SPAG17: variants seen among roughly 807,000 people sequenced by gnomAD.
The protein encoded by SPAG17 is sperm associated antigen 17.
Under a neutral mutation model 273.6 loss-of-function variants are expected in SPAG17, and 169 were observed. That is an observed-to-expected ratio of 0.62 (90% confidence interval 0.55 to 0.70). SPAG17 has a LOEUF of 0.70. Ranked by LOEUF, SPAG17 falls within the 30% of genes least tolerant of loss-of-function variation. SPAG17 has a pLI of 0.00. For synonymous variants in SPAG17, 825 were observed against 873.2 expected (o/e 0.94, Z 0.97); for missense variants, 2,557 against 2,627.8 (o/e 0.97, Z 0.59).
chr1:118,091,603 C>T lies in SPAG17; in HGVS notation c.1359+3G>A, dbSNP rs761816377. 6.3e-7 allele frequency: 1 copy of T among 1,576,446 alleles called. No homozygotes were observed. Among genetic ancestry groups the T allele is most frequent in the Admixed American group, 1.7e-5 (1 of 59,640 alleles). On this transcript the variant is annotated splice_donor_region_variant and intron_variant, in intron 10 of 48. Transcript: ENST00000336338. The stretch of plus-strand genomic sequence containing the variant: ...TATACAACCTGGGAAAAAGCCTCCC[C>T]ACCTGTTCCAGCATACAATGCAGTA...
chr1:118,059,276 A>G (rs1209736192), intron 18 of SPAG17, among the ~76,000 whole-genome samples: 1 of 152,130 alleles, frequency 6.6e-6, no homozygotes, highest in Non-Finnish European at 1.5e-5. Context: ...CCTGTGAAGT[A>G]ATGTGAAGGA....
At chr1:118,053,427 C>T (rs1306794020) in intron 20 of SPAG17, among the ~76,000 whole-genome samples, 1 of 151,892 alleles carries the variant, frequency 6.6e-6, no homozygotes, top group Non-Finnish European at 1.5e-5. Context: ...AAGTAGGTGA[C>T]TGAAACAGAA....
At chr1:118,064,375 G>T (rs1241410277) in intron 18 of SPAG17, among the ~76,000 whole-genome samples, 1 of 151,388 alleles carries the variant, frequency 6.6e-6, no homozygotes, top group Admixed American at 6.6e-5. Context: ...AGAAAATGTG[G>T]CACATATACA....
At chr1:118,126,998 C>T (rs547073197) in intron 3 of SPAG17, among the ~76,000 whole-genome samples, 1 of 152,222 alleles carries the variant, frequency 6.6e-6, no homozygotes, top group East Asian at 1.9e-4. Context: ...TTGACTGTAA[C>T]TATGGATTTA....
chr1:118,031,087 C>G (rs775138722), intron 25 of SPAG17, among the ~76,000 whole-genome samples: 13 of 142,478 alleles, frequency 9.1e-5, no homozygotes, highest in Non-Finnish European at 1.7e-4. Context: ...ATCTTTTGAT[C>G]TTTGTTTTAT....
chr1:117,966,312 T>A (rs1311186056), intron 47 of SPAG17: 1 of 222,238 alleles, frequency 4.5e-6, no homozygotes, highest in African/African-American at 2.3e-5. Context: ...AAAATTATAA[T>A]TTTTTTGTGA....
chr1:117,955,244 G>C lies in SPAG17; in HGVS notation c.*1-1195C>G. Reference sequence around the variant, plus strand: ...AAGGAGGGGTTCCTGTTTTATAGGAGATAGAAATTAGAGAACTTTAGTAGA... The same window carrying C: ...AAGGAGGGGTTCCTGTTTTATAGGACATAGAAATTAGAGAACTTTAGTAGA... On this transcript the variant is annotated intron_variant, in intron 48 of 48. Transcript: ENST00000336338. 8.2e-6 allele frequency: 11 copies of C among 1,333,506 alleles called. No individual in the cohort carries two copies. The South Asian group carries it at 1.4e-4, about 17-fold the overall frequency. The allele number at this position is 1,333,506 out of a possible 1,614,324, so 82.6% of individuals were successfully genotyped here.
At chr1:117,954,481 C>A in intron 48 of SPAG17, 1 of 1,229,772 alleles carries the variant, frequency 8.1e-7, no homozygotes. Flanking sequence ...CTCTTTTTTC[C>A]CTTTTCAAAA....
At chr1:118,025,189 C>T in intron 27 of SPAG17, 49 bp downstream of exon 27, 3 of 1,585,456 alleles carry the variant, frequency 1.9e-6, no homozygotes, top group Non-Finnish European at 2.6e-6. Flanking sequence ...CATAAGTTGT[C>T]TTTTACTTTG....
At position 117,991,630 on chromosome 1, in the gene SPAG17, T is replaced by C. The variant is rs1327900825; in HGVS notation, c.5362-102A>G. ...GAAATATTACAAAAAATGAAGAATA[T>C]ATAGGTTTACAGTGCTCAACAACTG... On this transcript the variant is annotated intron_variant, in intron 36 of 48. Transcript: ENST00000336338. 5.7e-6 allele frequency: 4 copies of C among 699,966 alleles called. No homozygotes were observed. The East Asian group carries it at 1.1e-4, about 20-fold the overall frequency. 43.4% of individuals were successfully genotyped at this position (699,966 alleles called of 1,614,324 possible).
intron 17 of SPAG17, among the ~76,000 whole-genome samples, chr1:118,070,707 A>T (rs145467180): frequency 1.5e-3 from 229 of 152,382 alleles, no homozygotes; most frequent in African/African-American, 5.2e-3. Context: ...ATGATATATT[A>T]TATTTAACCT....
chr1:118,021,150 T>A (rs1333034446), intron 28 of SPAG17, among the ~76,000 whole-genome samples: 1 of 152,208 alleles, frequency 6.6e-6, no homozygotes, highest in African/African-American at 2.4e-5. Context: ...AAGTTTTTGA[T>A]AAAATATTAT....
At chr1:118,029,045 T>C (rs1648115128) in intron 25 of SPAG17, among the ~76,000 whole-genome samples, 1 of 151,956 alleles carries the variant, frequency 6.6e-6, no homozygotes, top group African/African-American at 2.4e-5. Flanking sequence ...AGGCAAGGAG[T>C]TAGAAACCAG....
intron 26 of SPAG17, 129 bp downstream of exon 26, chr1:118,028,145 A>C: frequency 9.0e-7 from 1 of 1,112,456 alleles, no homozygotes; most frequent in African/African-American, 1.6e-5. Flanking sequence ...AAATGCTACA[A>C]ATGTGAAAAC....
At chr1:118,108,217 C>G (rs1475236669) in intron 4 of SPAG17, among the ~76,000 whole-genome samples, 2 of 152,192 alleles carry the variant, frequency 1.3e-5, no homozygotes, top group African/African-American at 4.8e-5. Flanking sequence ...TGAACCAGGA[C>G]AGTCTCTTTG....
At chr1:117,987,927 C>T (rs1656615506) in intron 39 of SPAG17, 46 bp from the exon 40 acceptor site, 10 of 1,607,162 alleles carry the variant, frequency 6.2e-6, no homozygotes, top group Non-Finnish European at 8.5e-6. Context: ...GCAATGATTT[C>T]AGCTTAAAAA....
intron 1 of SPAG17, among the ~76,000 whole-genome samples, chr1:118,163,240 T>C (rs1470840199): frequency 1.4e-4 from 22 of 152,208 alleles, no homozygotes; most frequent in Admixed American, 1.2e-3. Context: ...GAAACAGATA[T>C]AGAAACACTT....
Position 117,972,040 on chromosome 1 carries a change from T to C in SPAG17, c.6149A>G (p.Asp2050Gly). 1.2e-6 allele frequency: 2 copies of C among 1,610,802 alleles called. No homozygotes were observed. The highest frequency in any genetic ancestry group is 2.2e-5 in the South Asian group (2 of 90,184). ...PKSQPLAKVQ[D>G]SVGGKVNTSS... ...TGTGTTCACTTTTCCTCCAACAGAA[T>C]CTTGCACCTTTGCATTAAGAAAAAA... is the stretch of plus-strand genomic sequence containing the variant. The change falls in exon 45 of 49, where the codon GAT becomes GGT. Residue 2050 changes from aspartate to glycine, a missense_variant. By Grantham distance (94) the Asp-to-Gly change is moderately conservative. Coordinates refer to ENST00000336338, the MANE Select transcript of SPAG17 (RefSeq NM_206996.4).
Position 117,953,738 on chromosome 1 carries a change from T to C in SPAG17, c.*312A>G. On this transcript the variant is annotated 3_prime_UTR_variant, in exon 49 of 49. Transcript: ENST00000336338. ...CTGAATCTCTTTGATCAATATGTGCTCCTTTCAGGTGTTCCTGGGACCTGC... is the reference window on the plus strand; with the variant it reads ...CTGAATCTCTTTGATCAATATGTGCCCCTTTCAGGTGTTCCTGGGACCTGC... 3 of 625,140 alleles carry C rather than the reference T, an allele frequency of 4.8e-6. No homozygotes were observed. The highest frequency in any genetic ancestry group is 4.1e-5 in the South Asian group (2 of 49,062). 38.7% of individuals were successfully genotyped at this position (625,140 alleles called of 1,614,324 possible).
Sources: gnomAD v4.1 joint callset for allele counts (sites outside exome capture counted in the v4.1 genomes callset) on GRCh38, gnomAD v4.1.1 for gene constraint, MANE v1.5 for transcripts, NCBI Gene and HGNC (gene_info 2026-07-23, HGNC 2026-07-21) for gene names.